Variants in TPX2 observed in about 807,000 individuals in gnomAD.
TPX2 encodes the protein TPX2 microtubule nucleation factor.
TPX2 carries 21 observed loss-of-function variants against 93.6 expected under a neutral mutation model. The observed-to-expected ratio is 0.22, with a 90% confidence interval of 0.16 to 0.32. The LOEUF (loss-of-function observed/expected upper bound fraction) is 0.32. Ranked by LOEUF, TPX2 falls within the 10% of genes least tolerant of loss-of-function variation. The probability of loss-of-function intolerance (pLI) is 1.00; values close to 1 mark genes in which losing one functional copy is unlikely to be tolerated. For synonymous variants in TPX2, 281 were observed against 298.3 expected (o/e 0.94, Z 0.60); for missense variants, 776 against 871.1 (o/e 0.89, Z 1.37).
chr20:31,777,788 T>G (rs1416295185), intron 9 of TPX2, 150 bp downstream of exon 9: 9 of 865,444 alleles, frequency 1.0e-5, no homozygotes, highest in South Asian at 2.8e-5. Context: ...ATCTTTTTTT[T>G]TTTTTGAGAT....
rs768121746 is a variant in TPX2, at chr20:31,776,007, G to A, written c.730+19G>A. On this transcript the variant is annotated intron_variant, in intron 8 of 17. Transcript: ENST00000300403. ...GGAATAGGTGAGCTTGGCTGTGGTT[G>A]AGTCTGATTCATGAGGGGTGGTTCT... 3 of 1,353,656 alleles carry A rather than the reference G, an allele frequency of 2.2e-6. No individual in the cohort carries two copies. The highest frequency in any genetic ancestry group is 2.9e-6 in the Non-Finnish European group (3 of 1,033,248). The allele number at this position is 1,353,656 out of a possible 1,614,324, so 83.9% of individuals were successfully genotyped here.
chr20:31,768,402 AT>A (rs71272861), intron 5 of TPX2, among the ~76,000 whole-genome samples: 639 of 140,286 alleles, frequency 4.6e-3, no homozygotes, highest in Middle Eastern at 0.022. Context: ...CGCGCGGCTA[AT>A]TTTTTTTTTT....
chr20:31,758,610 T>C (rs563852103), intron 3 of TPX2, among the ~76,000 whole-genome samples: 11 of 152,372 alleles, frequency 7.2e-5, no homozygotes, highest in Middle Eastern at 3.4e-3. Context: ...GAGAAATCAC[T>C]ATGAATATGT....
intron 5 of TPX2, among the ~76,000 whole-genome samples, chr20:31,767,384 T>C (rs78452364): frequency 4.7e-5 from 7 of 149,246 alleles, no homozygotes; most frequent in Non-Finnish European, 8.9e-5. Context: ...TTCTTTTTTT[T>C]CTTTGAGACA....
intron 2 of TPX2, among the ~76,000 whole-genome samples, chr20:31,754,447 C>T (rs571231160): frequency 5.3e-5 from 8 of 152,254 alleles, no homozygotes; most frequent in South Asian, 2.1e-4. Context: ...AACCACTGAA[C>T]GGCTATGTAG....
intron 5 of TPX2, among the ~76,000 whole-genome samples, chr20:31,769,451 T>G (rs958192225): frequency 3.3e-5 from 5 of 151,884 alleles, no homozygotes; most frequent in African/African-American, 1.2e-4. Context: ...CTCAAGTAGC[T>G]GGGACTACAG....
intron 10 of TPX2, among the ~76,000 whole-genome samples, chr20:31,780,688 T>A (rs1445844533): frequency 6.6e-6 from 1 of 152,220 alleles, no homozygotes; most frequent in Non-Finnish European, 1.5e-5. Flanking sequence ...AGACCTAAAT[T>A]GAAAGATTCA....
chr20:31,771,757 G>A, intron 7 of TPX2, 75 bp downstream of exon 7: 6 of 1,527,826 alleles, frequency 3.9e-6, no homozygotes, highest in South Asian at 2.6e-5. Flanking sequence ...AACCTGTTTG[G>A]TGTACCTGGA....
At chr20:31,763,545 A>G (rs1417476535) in intron 4 of TPX2, among the ~76,000 whole-genome samples, 1 of 151,998 alleles carries the variant, frequency 6.6e-6, no homozygotes, top group African/African-American at 2.4e-5. Flanking sequence ...TCCATCAATT[A>G]GAGAGAGAGG....
At chr20:31,782,779 C>A (rs2062040945) in intron 11 of TPX2, among the ~76,000 whole-genome samples, 1 of 151,872 alleles carries the variant, frequency 6.6e-6, no homozygotes, top group Admixed American at 6.6e-5. Context: ...TGTAGTCCCA[C>A]CTACTAGGGG....
At chr20:31,790,699 A>G (rs186517239) in intron 12 of TPX2, among the ~76,000 whole-genome samples, 2 of 152,312 alleles carry the variant, frequency 1.3e-5, no homozygotes, top group East Asian at 3.9e-4. Flanking sequence ...TCATGTGTTC[A>G]TTCATTCTTA....
At chr20:31,797,075 A>G (rs1216257851) in intron 15 of TPX2, among the ~76,000 whole-genome samples, 2 of 152,086 alleles carry the variant, frequency 1.3e-5, no homozygotes, top group African/African-American at 2.4e-5. Flanking sequence ...CACATTGTGC[A>G]CATGTACCCT....
intron 17 of TPX2, among the ~76,000 whole-genome samples, chr20:31,800,676 C>T (rs1165020948): frequency 2.6e-5 from 4 of 152,168 alleles, no homozygotes; most frequent in Non-Finnish European, 5.9e-5. Context: ...GTAAATCACA[C>T]AGGACATAGG....
chr20:31,743,183 C>T (rs140205736), intron 2 of TPX2, among the ~76,000 whole-genome samples: 1 of 152,148 alleles, frequency 6.6e-6, no homozygotes, highest in Non-Finnish European at 1.5e-5. Context: ...TCACTGCACT[C>T]CAGCCAGCAA....
intron 2 of TPX2, among the ~76,000 whole-genome samples, chr20:31,750,896 TTTGTTG>T (rs540926106): frequency 6.6e-6 from 1 of 151,900 alleles, no homozygotes; most frequent in Non-Finnish European, 1.5e-5. Context: ...GCTTAACTAT[TTTGTTG>T]TTGTTGTTGT....
At chr20:31,760,931 A>G (rs1440238926) in intron 4 of TPX2, among the ~76,000 whole-genome samples, 1 of 152,042 alleles carries the variant, frequency 6.6e-6, no homozygotes, top group Admixed American at 6.5e-5. Context: ...TGGTTAGAAC[A>G]TAAGAAGCAT....
intron 3 of TPX2, among the ~76,000 whole-genome samples, chr20:31,759,589 G>A (rs918582771): frequency 5.9e-5 from 9 of 151,692 alleles, no homozygotes; most frequent in Admixed American, 4.6e-4. Context: ...TAGTAGAGAC[G>A]GGGTTTCACC....
intron 3 of TPX2, among the ~76,000 whole-genome samples, chr20:31,759,278 C>T (rs1241112756): frequency 6.6e-6 from 1 of 152,024 alleles, no homozygotes; most frequent in East Asian, 1.9e-4. Flanking sequence ...GAACCTAGCT[C>T]TGCTCTACCC....
At chr20:31,768,075 G>A (rs911785397) in intron 5 of TPX2, among the ~76,000 whole-genome samples, 29 of 151,862 alleles carry the variant, frequency 1.9e-4, no homozygotes, top group African/African-American at 7.0e-4. Context: ...GAGACTACAG[G>A]TGCAGGGCAC....
Sources: gnomAD v4.1 joint callset for allele counts (sites outside exome capture counted in the v4.1 genomes callset) on GRCh38, gnomAD v4.1.1 for gene constraint, MANE v1.5 for transcripts, NCBI Gene and HGNC (gene_info 2026-07-23, HGNC 2026-07-21) for gene names.